Variants in ZFYVE26 observed in about 807,000 individuals in gnomAD.
ZFYVE26 encodes the protein zinc finger FYVE domain-containing protein 26.
In ZFYVE26, 181 loss-of-function variants were observed where a neutral mutation model predicts 276.5. That is an observed-to-expected ratio of 0.65 (90% CI 0.58 to 0.74). The LOEUF is 0.74. Ranked by LOEUF, ZFYVE26 falls within the 30% of genes least tolerant of loss-of-function variation. The pLI, the probability that ZFYVE26 is intolerant of heterozygous loss-of-function variation, is 0.00. For missense variants in ZFYVE26, 2,821 were observed against 3,097.9 expected, an observed-to-expected ratio of 0.91 and a Z score of 2.12; for synonymous variants, 1,129 against 1,203.1, an observed-to-expected ratio of 0.94 and a Z score of 1.27.
intron 4 of ZFYVE26, 125 bp from the exon 5 acceptor site, chr14:67,808,045 C>T (rs543638332): frequency 1.1e-5 from 12 of 1,141,604 alleles, no homozygotes; most frequent in African/African-American, 6.2e-5. Flanking sequence ...ATACTTATGT[C>T]GTAGTTACTA....
intron 40 of ZFYVE26, among the ~76,000 whole-genome samples, chr14:67,752,022 C>G (rs971648549): frequency 9.9e-5 from 15 of 152,186 alleles, no homozygotes; most frequent in Non-Finnish European, 1.8e-4. Flanking sequence ...CCGCAGATAA[C>G]AGGCTTCAAA....
downstream of ZFYVE26, among the ~76,000 whole-genome samples, chr14:67,742,838 C>CTTTTTTTTTTTTTTTTTTTTTTTTTT (rs71446342): frequency 1.1e-5 from 1 of 89,766 alleles, no homozygotes; most frequent in East Asian, 3.1e-4. Context: ...TCTTCTTCTT[C>CTTTTTTTTTTTTTTTTTTTTTTTTTT]TTTTTTTTTT....
intron 35 of ZFYVE26, among the ~76,000 whole-genome samples, chr14:67,757,701 TTC>T (rs1259183797): frequency 1.6e-4 from 24 of 151,684 alleles, no homozygotes; most frequent in African/African-American, 5.1e-4. Context: ...TTTCCTTTCT[TTC>T]TCTCTCTCTT....
intron 2 of ZFYVE26, 25 bp downstream of exon 2, chr14:67,815,745 T>G (rs1319137317): frequency 6.2e-7 from 1 of 1,611,350 alleles, no homozygotes; most frequent in Non-Finnish European, 8.5e-7. Flanking sequence ...CCTGGGACCG[T>G]CTGGTAGGAA....
intron 24 of ZFYVE26, 53 bp from the exon 25 acceptor site, chr14:67,777,788 C>A: frequency 1.2e-6 from 2 of 1,601,504 alleles, no homozygotes; most frequent in Middle Eastern, 3.3e-4. Context: ...AGCTCTTAGA[C>A]CAGCTTTGTT....
At chr14:67,780,768 C>T (rs910552546) in intron 22 of ZFYVE26, among the ~76,000 whole-genome samples, 3 of 152,298 alleles carry the variant, frequency 2.0e-5, no homozygotes, top group Non-Finnish European at 4.4e-5. Flanking sequence ...CCTTTTTTCA[C>T]CTGTCATTTT....
At chr14:67,761,250 C>T (rs2038919346) in intron 35 of ZFYVE26, 116 bp downstream of exon 35, 3 of 949,454 alleles carry the variant, frequency 3.2e-6, no homozygotes, top group Middle Eastern at 6.1e-4. Flanking sequence ...TAGAGATGGC[C>T]CCATAGCTCA....
At position 67,772,204 on chromosome 14, in the gene ZFYVE26, G is replaced by C; in HGVS notation, c.5327C>G (p.Ser1776Cys). The change falls in exon 28 of 42, where the codon TCC (serine) becomes TGC (cysteine). Residue 1776 changes from serine to cysteine, a missense_variant. Transcript: ENST00000347230. ...CCTTAGACTAGGGGAATGTATACTGGAGATACCTGGGAGGCAGAGCCAGAG... is the reference window on the plus strand; with the variant it reads ...CCTTAGACTAGGGGAATGTATACTGCAGATACCTGGGAGGCAGAGCCAGAG... ...EFSPAAPPGI[S>C]SIHSPSLRER... is the part of the protein sequence containing the mutation. 1.2e-6 allele frequency: 2 copies of C among 1,612,702 alleles called. No homozygotes were observed.
At chr14:67,735,282 G>A in intron 13 of ZFYVE26, 1 of 930,132 alleles carries the variant, frequency 1.1e-6, no homozygotes, top group Non-Finnish European at 1.8e-6. Flanking sequence ...ATCGCCTCGT[G>A]CTCAGGCTAC....
At chr14:67,779,536 T>C (rs976241154) in intron 23 of ZFYVE26, among the ~76,000 whole-genome samples, 1 of 152,114 alleles carries the variant, frequency 6.6e-6, no homozygotes, top group African/African-American at 2.4e-5. Flanking sequence ...CACTCCAGCC[T>C]GGGTGAAATA....
In ZFYVE26 at chr14:67,768,548, A is replaced by G; in HGVS notation, c.5622T>C (p.Asp1874=). The G allele has an allele frequency of 6.2e-7, 1 of 1,614,120 alleles. No homozygotes were observed. Among genetic ancestry groups the G allele is most frequent in the South Asian group, 1.1e-5 (1 of 91,074 alleles). The change falls in exon 30 of 42, where the codon GAT becomes GAC. Residue 1874 remains aspartate (D), a splice_region_variant and synonymous_variant. Transcript: ENST00000347230. ...CDQCYSYCNK[D]VPEEPSEKPE... is the part of the protein sequence containing the mutation. ...GTTTTTCTGAAGGCTCCTCTGGTACACTGAAAACAGAGAAAGAAAAATTAT... is the reference window on the plus strand; with the variant it reads ...GTTTTTCTGAAGGCTCCTCTGGTACGCTGAAAACAGAGAAAGAAAAATTAT...
downstream of ZFYVE26, among the ~76,000 whole-genome samples, chr14:67,742,052 T>C (rs1008221487): frequency 1.3e-5 from 2 of 152,250 alleles, no homozygotes; most frequent in African/African-American, 2.4e-5. Context: ...AGAGTATGGC[T>C]GGAGAAAATC....
chr14:67,803,691 AGT>A (rs2040122500), intron 9 of ZFYVE26, among the ~76,000 whole-genome samples: 1 of 152,218 alleles, frequency 6.6e-6, no homozygotes, highest in South Asian at 2.1e-4. Context: ...TGGAGTATGA[AGT>A]GGACATGGGA....
downstream of ZFYVE26, among the ~76,000 whole-genome samples, chr14:67,742,649 G>A (rs928416190): frequency 1.3e-5 from 2 of 152,070 alleles, no homozygotes; most frequent in African/African-American, 2.4e-5. Context: ...GAAGTGGAAG[G>A]GACAGGTTCT....
Position 67,807,540 on chromosome 14 carries a change from C to T in ZFYVE26, c.744G>A (p.Arg248=). 3 of 1,614,216 alleles carry T rather than the reference C, an allele frequency of 1.9e-6. No homozygotes were observed. Among genetic ancestry groups the T allele is most frequent in the East Asian group, 2.2e-5 (1 of 44,880 alleles). ...LLCEELLEAC[R]TEGSPLREER... ...CCTCCCGCAGGGGACTCCCCTCGGT[C>T]CTGCAGGCCTCTAGTAGTTCCTCAC... Residue 248 remains arginine, a synonymous_variant, in exon 5 of 42, where the codon AGG becomes AGA. Coordinates refer to ENST00000347230, the MANE Select transcript of ZFYVE26 (RefSeq NM_015346.4).
intron 16 of ZFYVE26, 84 bp from the exon 17 acceptor site, chr14:67,786,317 T>A (rs1242719170): frequency 1.0e-5 from 15 of 1,486,978 alleles, no homozygotes; most frequent in Non-Finnish European, 1.2e-5. Context: ...TGTATTTACC[T>A]GTGAAATTTT....
intron 13 of ZFYVE26, among the ~76,000 whole-genome samples, chr14:67,736,566 T>C (rs753465349): frequency 6.6e-6 from 1 of 152,328 alleles, no homozygotes; most frequent in East Asian, 1.9e-4. Flanking sequence ...AGAATATCTT[T>C]ATGCCCTTGG....
chr14:67,800,551 C>CT (rs1209225646), intron 10 of ZFYVE26, among the ~76,000 whole-genome samples: 2 of 152,128 alleles, frequency 1.3e-5, no homozygotes, highest in East Asian at 3.8e-4. Context: ...TAAATGACTT[C>CT]TTAGAGGCCC....
chr14:67,753,671 T>C, intron 39 of ZFYVE26, 36 bp downstream of exon 39: 11 of 1,604,996 alleles, frequency 6.9e-6, no homozygotes, highest in Non-Finnish European at 9.4e-6. Context: ...CAGGTGCTGA[T>C]TGTCCTCAGT....
Sources: gnomAD v4.1 joint callset for allele counts (sites outside exome capture counted in the v4.1 genomes callset) on GRCh38, gnomAD v4.1.1 for gene constraint, MANE v1.5 for transcripts, NCBI Gene and HGNC (gene_info 2026-07-23, HGNC 2026-07-21) for gene names.